Variants in CDH13 observed in about 807,000 individuals in gnomAD.
The protein encoded by CDH13 is cadherin 13, also known as cadherin-13.
CDH13 carries 24 observed loss-of-function variants against 63.8 expected under a neutral mutation model. That is an observed-to-expected ratio of 0.38 (90% CI 0.27 to 0.53). The LOEUF (loss-of-function observed/expected upper bound fraction) is 0.53, where lower values mean the gene tolerates loss of function less well. Among genes scored for constraint, CDH13 ranks in the 20% least tolerant of loss-of-function variants. The pLI, the probability that CDH13 is intolerant of heterozygous loss-of-function variation, is 0.85. For synonymous variants in CDH13, 503 were observed against 355.3 expected (o/e 1.42, Z -4.67); for missense variants, 1,049 against 903.1 (o/e 1.16, Z -2.07).
At chr16:82,991,988 G>T (rs1287672587) in intron 2 of CDH13, among the ~76,000 whole-genome samples, 1 of 152,064 alleles carries the variant, frequency 6.6e-6, no homozygotes, top group African/African-American at 2.4e-5. Context: ...ATTTCAGAAA[G>T]GGATGAGGAA....
intron 8 of CDH13, among the ~76,000 whole-genome samples, chr16:83,629,357 T>A (rs1313705130): frequency 6.6e-6 from 1 of 152,228 alleles, no homozygotes; most frequent in African/African-American, 2.4e-5. Context: ...AATTACATTT[T>A]CCCATTTACA....
At chr16:83,427,602 G>T (rs2071951429) in intron 6 of CDH13, among the ~76,000 whole-genome samples, 2 of 152,164 alleles carry the variant, frequency 1.3e-5, no homozygotes, top group African/African-American at 4.8e-5. Context: ...TACTGCAGCT[G>T]CAAGAGACTC....
intron 6 of CDH13, among the ~76,000 whole-genome samples, chr16:83,477,276 T>C (rs979784431): frequency 6.6e-6 from 1 of 152,224 alleles, no homozygotes; most frequent in Admixed American, 6.5e-5. Context: ...ATTACATATT[T>C]GGCTGTCAAT....
intron 8 of CDH13, among the ~76,000 whole-genome samples, chr16:83,619,808 G>A (rs897243442): frequency 3.9e-5 from 6 of 152,218 alleles, no homozygotes; most frequent in Non-Finnish European, 8.8e-5. Context: ...TACAGTCTGA[G>A]GTCCTGAGGG....
In CDH13 at chr16:83,346,591, C is replaced by T. The variant is rs116461677; in HGVS notation, c.781+1585C>T. Reference sequence around the variant, plus strand: ...GGGATGGCTGTGAGCTTGCACATGTCTTTGTATATTATGTGTGTATATGAT... The same window carrying T: ...GGGATGGCTGTGAGCTTGCACATGTTTTTGTATATTATGTGTGTATATGAT... On this transcript the variant is annotated intron_variant, in intron 6 of 13. Transcript: ENST00000567109. Among the ~76,000 whole-genome samples, 928 of 152,216 alleles carry T rather than the reference C, an allele frequency of 6.1e-3. 7 individuals carry two copies. The highest frequency in any genetic ancestry group is 0.025 in the East Asian group (131 of 5,184).
At chr16:82,933,566 A>G (rs375154141) in intron 2 of CDH13, among the ~76,000 whole-genome samples, 1 of 152,282 alleles carries the variant, frequency 6.6e-6, no homozygotes, top group East Asian at 1.9e-4. Flanking sequence ...TGCCTTCCCA[A>G]CAGTTTCCCA....
intron 6 of CDH13, among the ~76,000 whole-genome samples, chr16:83,408,181 A>G (rs1179915323): frequency 6.6e-6 from 1 of 152,234 alleles, no homozygotes; most frequent in East Asian, 1.9e-4. Flanking sequence ...CTATGACTGT[A>G]TCACTCTGAT....
chr16:82,943,504 C>T (rs1030542528), intron 2 of CDH13, among the ~76,000 whole-genome samples: 8 of 152,140 alleles, frequency 5.3e-5, no homozygotes, highest in African/African-American at 1.9e-4. Context: ...TCGCATAAGA[C>T]CCTGAAATTC....
At chr16:83,231,284 C>G (rs1186915475) in intron 5 of CDH13, among the ~76,000 whole-genome samples, 2 of 152,318 alleles carry the variant, frequency 1.3e-5, no homozygotes, top group East Asian at 3.9e-4. Flanking sequence ...GAGTTGCCTT[C>G]CTACTGAAGG....
intron 10 of CDH13, among the ~76,000 whole-genome samples, chr16:83,718,680 C>T (rs919324502): frequency 3.3e-5 from 5 of 152,160 alleles, no homozygotes; most frequent in Admixed American, 3.3e-4. Flanking sequence ...GTGAAATCCA[C>T]CACCACGATG....
intron 1 of CDH13, among the ~76,000 whole-genome samples, chr16:82,787,685 G>A (rs1312237616): frequency 3.3e-5 from 5 of 152,146 alleles, no homozygotes; most frequent in African/African-American, 4.8e-5. Flanking sequence ...GCTTTCACAG[G>A]GTTTCACAAC....
rs148469945 is a variant in CDH13 at position 83,014,940 on chromosome 16, C to T, written c.158-17070C>T. On this transcript the variant is annotated intron_variant, in intron 2 of 13. Coordinates refer to ENST00000567109, the MANE Select transcript of CDH13 (RefSeq NM_001257.5). ...ACTACACAGTTGGTAATTAATGAAA[C>T]GGAAAACCTCAGTGTTCAGCAATAG... Among the ~76,000 whole-genome samples, 1,449 of 146,272 alleles carry T rather than the reference C, an allele frequency of 9.9e-3. 22 individuals carry two copies. The highest frequency in any genetic ancestry group is 0.031 in the African/African-American group (1,241 of 39,718).
At chr16:83,028,102 C>A (rs112815247) in intron 2 of CDH13, among the ~76,000 whole-genome samples, 2 of 152,192 alleles carry the variant, frequency 1.3e-5, no homozygotes, top group African/African-American at 4.8e-5. Context: ...CTGAGACTGT[C>A]TTCTGTGATC....
chr16:82,703,218 CA>C (rs2031196908), intron 1 of CDH13, among the ~76,000 whole-genome samples: 1 of 152,074 alleles, frequency 6.6e-6, no homozygotes, highest in South Asian at 2.1e-4. Flanking sequence ...CACACACACA[CA>C]CACACACACA....
chr16:83,493,915 A>G (rs2151574946), intron 7 of CDH13, among the ~76,000 whole-genome samples: 1 of 152,312 alleles, frequency 6.6e-6, no homozygotes, highest in Middle Eastern at 3.4e-3. Context: ...AGCCTGATGG[A>G]GATAAGAGCT....
chr16:83,337,791 TG>T (rs2090632248), intron 5 of CDH13, among the ~76,000 whole-genome samples: 1 of 152,030 alleles, frequency 6.6e-6, no homozygotes, highest in South Asian at 2.1e-4. Context: ...TGTAGCTTCA[TG>T]TGTATTAATA....
chr16:82,898,270 A>G (rs1309464419), intron 2 of CDH13, among the ~76,000 whole-genome samples: 1 of 152,212 alleles, frequency 6.6e-6, no homozygotes, highest in African/African-American at 2.4e-5. Flanking sequence ...CATTCCAGTA[A>G]TCTCAGCATT....
chr16:82,987,215 G>A (rs1351498973), intron 2 of CDH13, among the ~76,000 whole-genome samples: 1 of 152,094 alleles, frequency 6.6e-6, no homozygotes, highest in African/African-American at 2.4e-5. Context: ...GTCTTCTTTG[G>A]TTCTTCCAGT....
chr16:83,422,522 G>C (rs907692455), intron 6 of CDH13, among the ~76,000 whole-genome samples: 1 of 152,136 alleles, frequency 6.6e-6, no homozygotes, highest in Non-Finnish European at 1.5e-5. Flanking sequence ...TTAATTTCTT[G>C]CACGAATTAA....
Sources: gnomAD v4.1 joint callset for allele counts (sites outside exome capture counted in the v4.1 genomes callset) on GRCh38, gnomAD v4.1.1 for gene constraint, MANE v1.5 for transcripts, NCBI Gene and HGNC (gene_info 2026-07-23, HGNC 2026-07-21) for gene names.